TRAPPC9: variants seen among roughly 807,000 people sequenced by gnomAD.
The protein encoded by TRAPPC9 is IKK2 binding protein.
A neutral mutation model predicts 124.0 loss-of-function variants in TRAPPC9; 83 were observed. That is an observed-to-expected ratio of 0.67 (90% CI 0.56 to 0.80). The LOEUF is 0.80. TRAPPC9 is among the 30% of genes least tolerant of loss of function. TRAPPC9 has a pLI of 0.00. For synonymous variants in TRAPPC9, 638 were observed against 617.5 expected (o/e 1.03, Z -0.49); for missense variants, 1,302 against 1,508.3 (o/e 0.86, Z 2.27).
intron 21 of TRAPPC9, among the ~76,000 whole-genome samples, chr8:139,843,061 G>A (rs1256115149): frequency 3.3e-5 from 5 of 152,336 alleles, no homozygotes; most frequent in African/African-American, 9.6e-5. Context: ...CTGAAGGGCG[G>A]GGACTGGGCT....
chr8:139,800,654 C>T (rs527580068), intron 21 of TRAPPC9, among the ~76,000 whole-genome samples: 34 of 152,280 alleles, frequency 2.2e-4, no homozygotes, highest in African/African-American at 6.5e-4. Flanking sequence ...GACATTCAGT[C>T]GCTGGCTTGA....
At chr8:140,211,827 C>G (rs1381438289) in intron 17 of TRAPPC9, among the ~76,000 whole-genome samples, 1 of 152,152 alleles carries the variant, frequency 6.6e-6, no homozygotes. Context: ...GAAATGTGTA[C>G]AGAAGGCATG....
chr8:139,811,580 G>A (rs1358963504), intron 21 of TRAPPC9, among the ~76,000 whole-genome samples: 4 of 152,234 alleles, frequency 2.6e-5, no homozygotes, highest in Non-Finnish European at 5.9e-5. Flanking sequence ...AAGCAAGCAG[G>A]TCACCTGCAA....
chr8:140,291,085 A>G lies in TRAPPC9; in HGVS notation c.1769-7T>C. 1 of 1,612,632 alleles carries G rather than the reference A, an allele frequency of 6.2e-7. No homozygotes were observed. Among genetic ancestry groups the G allele is most frequent in the Non-Finnish European group, 8.5e-7 (1 of 1,178,566 alleles). On this transcript the variant is annotated splice_region_variant and splice_polypyrimidine_tract_variant and intron_variant, in intron 11 of 22. Transcript: ENST00000438773. ...CCTTGAACCCACTGGAAATCTAGAA[A>G]ATACACACACATAAATGAATCCATG...
At chr8:140,253,706 A>C (rs189267477) in intron 15 of TRAPPC9, among the ~76,000 whole-genome samples, 2 of 152,078 alleles carry the variant, frequency 1.3e-5, no homozygotes, top group Non-Finnish European at 2.9e-5. Context: ...CAAATCAAAG[A>C]ATTAAGGACG....
At chr8:140,269,238 TA>T (rs58308239) in intron 15 of TRAPPC9, among the ~76,000 whole-genome samples, 37,321 of 151,014 alleles carry the variant, frequency 0.25, 5,019 homozygotes, top group African/African-American at 0.35. Context: ...TAAACTGCAT[TA>T]AAAAAAAATA....
At chr8:140,240,230 A>G (rs2063826847) in intron 16 of TRAPPC9, among the ~76,000 whole-genome samples, 2 of 143,834 alleles carry the variant, frequency 1.4e-5, no homozygotes. Flanking sequence ...AACATGAGGC[A>G]TTTCAGGCAA....
intron 3 of TRAPPC9, among the ~76,000 whole-genome samples, chr8:140,437,767 G>A (rs946003870): frequency 1.2e-4 from 18 of 152,112 alleles, no homozygotes; most frequent in South Asian, 4.1e-4. Flanking sequence ...CAACCTCAAC[G>A]AAAGAACCCT....
chr8:140,171,167 G>A (rs2061957374), intron 17 of TRAPPC9, among the ~76,000 whole-genome samples: 1 of 152,134 alleles, frequency 6.6e-6, no homozygotes, highest in African/African-American at 2.4e-5. Flanking sequence ...ACTTAGAGCT[G>A]GGGTTGGGCA....
chr8:140,312,983 C>T (rs1345338397), intron 9 of TRAPPC9, among the ~76,000 whole-genome samples: 1 of 152,172 alleles, frequency 6.6e-6, no homozygotes, highest in Non-Finnish European at 1.5e-5. Flanking sequence ...TAGTCTCCAA[C>T]TCCTGGGCTC....
chr8:140,042,592 G>A (rs1841341709), intron 17 of TRAPPC9, among the ~76,000 whole-genome samples: 1 of 152,174 alleles, frequency 6.6e-6, no homozygotes, highest in South Asian at 2.1e-4. Flanking sequence ...TGGTCTTTAG[G>A]GAGCCTAGCT....
intron 7 of TRAPPC9, among the ~76,000 whole-genome samples, chr8:140,382,159 C>T (rs1207697227): frequency 6.6e-6 from 1 of 152,174 alleles, no homozygotes; most frequent in Non-Finnish European, 1.5e-5. Context: ...AATGAAGTGG[C>T]GGTTCCAAGA....
At chr8:140,065,828 T>C (rs1842871840) in intron 17 of TRAPPC9, among the ~76,000 whole-genome samples, 1 of 152,252 alleles carries the variant, frequency 6.6e-6, no homozygotes, top group African/African-American at 2.4e-5. Context: ...TCAAGCCTGC[T>C]ATCACAGTAT....
chr8:140,080,969 A>G (rs1252242636), intron 17 of TRAPPC9, among the ~76,000 whole-genome samples: 1 of 152,222 alleles, frequency 6.6e-6, no homozygotes, highest in Non-Finnish European at 1.5e-5. Context: ...AGGTGTTGCC[A>G]TAGCCCATGG....
At chr8:140,023,912 G>C (rs776337339) in intron 18 of TRAPPC9, 25 bp downstream of exon 18, 1 of 1,613,800 alleles carries the variant, frequency 6.2e-7, no homozygotes, top group Non-Finnish European at 8.5e-7. Flanking sequence ...AGAACAAGAC[G>C]GCTGTGCGGC....
chr8:139,878,441 A>G (rs778222684), intron 21 of TRAPPC9, among the ~76,000 whole-genome samples: 1 of 152,142 alleles, frequency 6.6e-6, no homozygotes, highest in Non-Finnish European at 1.5e-5. Context: ...TATTCCTTTC[A>G]TGAAGTGATC....
intron 21 of TRAPPC9, among the ~76,000 whole-genome samples, chr8:139,849,296 T>A (rs1018581633): frequency 3.3e-5 from 5 of 152,176 alleles, no homozygotes; most frequent in Non-Finnish European, 5.9e-5. Context: ...CAGGAGAGGT[T>A]CCCTGTTGAC....
chr8:140,066,909 G>C (rs1226421973), intron 17 of TRAPPC9, among the ~76,000 whole-genome samples: 2 of 152,168 alleles, frequency 1.3e-5, no homozygotes, highest in Non-Finnish European at 2.9e-5. Context: ...AGGAAGAAAG[G>C]CTCCTGCATG....
chr8:140,011,787 C>T (rs556543666), intron 18 of TRAPPC9, among the ~76,000 whole-genome samples: 9 of 150,322 alleles, frequency 6.0e-5, no homozygotes, highest in Non-Finnish European at 7.4e-5. Flanking sequence ...AAGTGATTCT[C>T]CTGCCTCAGC....
Sources: allele counts gnomAD v4.1 joint callset (sites outside exome capture counted in the v4.1 genomes callset), GRCh38; gene constraint gnomAD v4.1.1; transcripts MANE v1.5; gene names NCBI Gene and HGNC (gene_info 2026-07-23, HGNC 2026-07-21).